The following GNAQ variants were observed in gnomAD, a reference collection of about 807,000 sequenced individuals.
GNAQ encodes the protein G protein subunit alpha q, also known as guanine nucleotide-binding protein G(q) subunit alpha.
A neutral mutation model predicts 43.9 loss-of-function variants in GNAQ; 8 were observed. That is an observed-to-expected ratio of 0.18 (90% CI 0.11 to 0.33). The LOEUF (loss-of-function observed/expected upper bound fraction) is 0.33. Ranked by LOEUF, GNAQ falls within the 10% of genes least tolerant of loss-of-function variation. The pLI is 1.00. For synonymous variants in GNAQ, 155 were observed against 170.7 expected, an observed-to-expected ratio of 0.91 and a Z score of 0.71; for missense variants, 158 against 450.8, an observed-to-expected ratio of 0.35 and a Z score of 5.88.
At chr9:77,998,314 T>G (rs142928718) in intron 1 of GNAQ, among the ~76,000 whole-genome samples, 1 of 152,346 alleles carries the variant, frequency 6.6e-6, no homozygotes, top group East Asian at 1.9e-4. Flanking sequence ...AAAAATATAA[T>G]TTACATGATA....
intron 2 of GNAQ, among the ~76,000 whole-genome samples, chr9:77,816,282 T>C (rs532700528): frequency 3.9e-5 from 6 of 152,116 alleles, no homozygotes; most frequent in Non-Finnish European, 7.4e-5. Flanking sequence ...GTAAAACCAT[T>C]AGAAGAACAA....
At chr9:77,751,396 C>T (rs1283708876) in intron 5 of GNAQ, among the ~76,000 whole-genome samples, 1 of 152,188 alleles carries the variant, frequency 6.6e-6, no homozygotes, top group African/African-American at 2.4e-5. Flanking sequence ...TGTATTGAAA[C>T]TAACTCTATA....
chr9:77,851,448 C>A (rs982635198), intron 2 of GNAQ, among the ~76,000 whole-genome samples: 1 of 152,178 alleles, frequency 6.6e-6, no homozygotes, highest in Non-Finnish European at 1.5e-5. Context: ...TCTGTGGCTC[C>A]TGAGAAAGTA....
chr9:77,821,345 G>T (rs2118526740), intron 2 of GNAQ, among the ~76,000 whole-genome samples: 1 of 152,090 alleles, frequency 6.6e-6, no homozygotes, highest in South Asian at 2.1e-4. Flanking sequence ...CTTGGGTAAA[G>T]GAAATACCCC....
chr9:77,827,458 G>C (rs899585349), intron 2 of GNAQ, among the ~76,000 whole-genome samples: 2 of 148,130 alleles, frequency 1.4e-5, no homozygotes, highest in Admixed American at 1.4e-4. Flanking sequence ...CCTCTTTTAT[G>C]TGTTCTTAGC....
chr9:78,010,331 A>G (rs745673438), intron 1 of GNAQ, among the ~76,000 whole-genome samples: 3 of 152,202 alleles, frequency 2.0e-5, no homozygotes, highest in Non-Finnish European at 2.9e-5. Context: ...CGTGTTCCCC[A>G]GGAATAGAAT....
At chr9:77,760,265 T>C (rs1217635435) in intron 5 of GNAQ, among the ~76,000 whole-genome samples, 1 of 149,630 alleles carries the variant, frequency 6.7e-6, no homozygotes, top group Non-Finnish European at 1.5e-5. Flanking sequence ...GAGCCGAAGC[T>C]GGACTGTACT....
intron 5 of GNAQ, among the ~76,000 whole-genome samples, chr9:77,757,281 C>T (rs1825919279): frequency 6.6e-6 from 1 of 152,136 alleles, no homozygotes; most frequent in African/African-American, 2.4e-5. Context: ...TCTAAATCGG[C>T]AAGGCAACCA....
At chr9:78,027,771 C>T (rs1824000740) in intron 1 of GNAQ, among the ~76,000 whole-genome samples, 1 of 148,098 alleles carries the variant, frequency 6.8e-6, no homozygotes, top group South Asian at 2.1e-4. Flanking sequence ...AAAAAAAAGA[C>T]TGGCCTAAAC....
At chr9:77,892,999 T>C (rs1367486093) in intron 2 of GNAQ, among the ~76,000 whole-genome samples, 2 of 152,180 alleles carry the variant, frequency 1.3e-5, no homozygotes, top group African/African-American at 2.4e-5. Flanking sequence ...GTTCCATCCA[T>C]TACTTAATTA....
intron 5 of GNAQ, among the ~76,000 whole-genome samples, chr9:77,755,313 A>C (rs1363919042): frequency 6.6e-6 from 1 of 152,186 alleles, no homozygotes; most frequent in African/African-American, 2.4e-5. Flanking sequence ...ATTTGATAGC[A>C]CATCAGGGTA....
chr9:77,868,829 CA>C (rs1827990616), intron 2 of GNAQ, among the ~76,000 whole-genome samples: 1 of 151,274 alleles, frequency 6.6e-6, no homozygotes, highest in South Asian at 2.1e-4. Context: ...AAGAAAAAGA[CA>C]ACAAAAATCA....
chr9:77,987,824 CA>C (rs1823460800), intron 1 of GNAQ, among the ~76,000 whole-genome samples: 1 of 152,090 alleles, frequency 6.6e-6, no homozygotes, highest in Non-Finnish European at 1.5e-5. Context: ...TAAGCCCAGA[CA>C]TTCAAGTCCA....
At chr9:77,794,986 G>T (rs1194011544) in intron 4 of GNAQ, among the ~76,000 whole-genome samples, 1 of 152,100 alleles carries the variant, frequency 6.6e-6, no homozygotes, top group Non-Finnish European at 1.5e-5. Flanking sequence ...TCGGAAAAAA[G>T]ATCCTCATGT....
intron 1 of GNAQ, among the ~76,000 whole-genome samples, chr9:77,925,924 T>C (rs904450168): frequency 6.6e-6 from 1 of 152,184 alleles, no homozygotes; most frequent in African/African-American, 2.4e-5. Context: ...CTTTAAAACA[T>C]CTCTAAATTA....
intron 5 of GNAQ, among the ~76,000 whole-genome samples, chr9:77,732,254 T>A (rs960100383): frequency 1.3e-5 from 2 of 152,098 alleles, no homozygotes; most frequent in African/African-American, 4.8e-5. Context: ...GGAGGTTTTG[T>A]TTACTCTGAA....
intron 2 of GNAQ, among the ~76,000 whole-genome samples, chr9:77,877,926 G>A (rs1828150268): frequency 6.6e-6 from 1 of 152,022 alleles, no homozygotes; most frequent in African/African-American, 2.4e-5. Context: ...CCACTCCACT[G>A]ACTAAAACTT....
intron 1 of GNAQ, among the ~76,000 whole-genome samples, chr9:77,993,862 T>C (rs1000305331): frequency 1.3e-5 from 2 of 152,198 alleles, no homozygotes; most frequent in Non-Finnish European, 2.9e-5. Context: ...AAATGATTTA[T>C]ATAGAGCTAA....
chr9:77,916,613 C>G (rs1828909983), intron 2 of GNAQ, among the ~76,000 whole-genome samples: 1 of 152,170 alleles, frequency 6.6e-6, no homozygotes, highest in Non-Finnish European at 1.5e-5. Context: ...AGCAATACAT[C>G]CTCTCATAAC....
Sources: allele counts gnomAD v4.1 joint callset (sites outside exome capture counted in the v4.1 genomes callset), GRCh38; gene constraint gnomAD v4.1.1; transcripts MANE v1.5; gene names NCBI Gene and HGNC (gene_info 2026-07-23, HGNC 2026-07-21).